CDKL2: variants seen among roughly 807,000 people sequenced by gnomAD.
CDKL2 encodes the protein cyclin dependent kinase like 2, also known as cyclin-dependent kinase-like 2.
In CDKL2, 64 loss-of-function variants were observed where a neutral mutation model predicts 63.9. That is an observed-to-expected ratio of 1.00 (90% CI 0.82 to 1.23). The LOEUF is 1.23. Ranked by LOEUF, CDKL2 falls within the 50% of genes most tolerant of loss-of-function variation. CDKL2 has a pLI of 0.00. For missense variants in CDKL2, 656 were observed against 668.0 expected (o/e 0.98, Z 0.20); for synonymous variants, 211 against 229.2 (o/e 0.92, Z 0.72).
chr4:75,599,548 C>CAAAAAAAAAAAAAAAA (rs71657365), intron 7 of CDKL2, among the ~76,000 whole-genome samples: 1 of 69,652 alleles, frequency 1.4e-5, no homozygotes, highest in Admixed American at 2.1e-4. Context: ...GCAACAAGAG[C>CAAAAAAAAAAAAAAAA]AAAAAAAAAA....
chr4:75,608,188 G>C (rs564137658), intron 3 of CDKL2, among the ~76,000 whole-genome samples: 1 of 143,166 alleles, frequency 7.0e-6, no homozygotes, highest in Non-Finnish European at 1.5e-5. Context: ...GCAATGGCGC[G>C]ATTTCGGCTC....
At chr4:75,610,795 T>G (rs961911749) in intron 3 of CDKL2, among the ~76,000 whole-genome samples, 14 of 152,304 alleles carry the variant, frequency 9.2e-5, no homozygotes, top group Non-Finnish European at 1.5e-4. Flanking sequence ...AAGTCAAGCA[T>G]CTCATCCTTA....
chr4:75,591,814 T>C lies in CDKL2; in HGVS notation c.1647+5A>G, dbSNP rs1345793857. On this transcript the variant is annotated splice_donor_5th_base_variant and intron_variant, in intron 12 of 13. Coordinates refer to ENST00000307465, the MANE Select transcript of CDKL2 (RefSeq NM_001330724.2). ...CTGTCCATCCTATAAAGAGTATTTC[T>C]GTACCTGATGTAATGTAATACTGGG... The C allele has an allele frequency of 1.3e-6, 2 of 1,518,838 alleles. No individual in the cohort carries two copies. The highest frequency in any genetic ancestry group is 1.4e-5 in the African/African-American group (1 of 72,646). The allele number at this position is 1,518,838 out of a possible 1,614,324, so 94.1% of individuals were successfully genotyped here.
intron 1 of CDKL2, among the ~76,000 whole-genome samples, chr4:75,627,950 A>G (rs1730508447): frequency 6.7e-6 from 1 of 150,274 alleles, no homozygotes; most frequent in South Asian, 2.1e-4. Context: ...AAATAAGAGT[A>G]ATGACATCGG....
Position 75,625,830 on chromosome 4 carries a change from C to T in CDKL2, c.159G>A (p.Lys53=), listed in dbSNP as rs2148916835. ...MVKKIAMREI[K]LLKQLRHENL... ...ATATGCATTTACTCACCTTTAGTAA[C>T]TTGATTTCTCGCATTGCAATCTTTT... The change falls in exon 2 of 14, where the codon AAG becomes AAA. Residue 53 remains lysine (K), a synonymous_variant. Coordinates refer to ENST00000307465, the MANE Select transcript of CDKL2 (RefSeq NM_001330724.2). 1 of 1,610,510 alleles carries T rather than the reference C, an allele frequency of 6.2e-7. No individual in the cohort carries two copies. Among genetic ancestry groups the T allele is most frequent in the East Asian group, 2.2e-5 (1 of 44,776 alleles).
At chr4:75,611,644 G>A (rs1404398032) in intron 3 of CDKL2, among the ~76,000 whole-genome samples, 1 of 151,350 alleles carries the variant, frequency 6.6e-6, no homozygotes, top group Non-Finnish European at 1.5e-5. Flanking sequence ...AAGCTTAGCA[G>A]GGAACCACCT....
chr4:75,618,231 T>C lies in CDKL2; in HGVS notation c.169-3782A>G, dbSNP rs545273908. ...GAGTAACTCAGACCAGGCCTCCAAT[T>C]GAAAATTCTTTTTTTTTTTTTTTTT... On this transcript the variant is annotated intron_variant, in intron 2 of 13. Transcript: ENST00000307465. Among the ~76,000 whole-genome samples, 11 of 142,512 alleles carry C rather than the reference T, an allele frequency of 7.7e-5. No homozygotes were observed. In the East Asian group the frequency reaches 2.0e-3, roughly 26 times the overall value. 93.5% of individuals were successfully genotyped at this position (142,512 alleles called of 152,430 possible).
At chr4:75,622,008 G>T (rs1730175789) in intron 2 of CDKL2, among the ~76,000 whole-genome samples, 1 of 152,152 alleles carries the variant, frequency 6.6e-6, no homozygotes, top group Non-Finnish European at 1.5e-5. Flanking sequence ...AGGGGAGAAA[G>T]GAGGGGGTAA....
intron 2 of CDKL2, among the ~76,000 whole-genome samples, chr4:75,618,239 C>T (rs1241950231): frequency 0.034 from 1,754 of 51,976 alleles, no homozygotes; most frequent in Middle Eastern, 0.053. Context: ...ATTGAAAATT[C>T]TTTTTTTTTT....
At chr4:75,582,027 A>G in intron 12 of CDKL2, 129 bp from the exon 13 acceptor site, 1 of 637,656 alleles carries the variant, frequency 1.6e-6, no homozygotes, top group Non-Finnish European at 2.8e-6. Context: ...AGTTGCCTAC[A>G]TGGAAAAGAA....
rs760105618 is a variant in CDKL2, at chr4:75,596,343, G to A, written c.1323-3C>T. 4 of 1,569,140 alleles carry A rather than the reference G, an allele frequency of 2.5e-6. No individual in the cohort carries two copies. Among genetic ancestry groups the A allele is most frequent in the Non-Finnish European group, 3.5e-6 (4 of 1,144,942 alleles). Reference sequence around the variant, plus strand: ...ACTTCTTAGTTTTCTCATCCACTCTGTAACGACAAAAAAAAATGTTTTTAA... The same window carrying A: ...ACTTCTTAGTTTTCTCATCCACTCTATAACGACAAAAAAAAATGTTTTTAA... On this transcript the variant is annotated splice_polypyrimidine_tract_variant and splice_region_variant and intron_variant, in intron 9 of 13. Coordinates refer to ENST00000307465, the MANE Select transcript of CDKL2 (RefSeq NM_001330724.2).
intron 2 of CDKL2, among the ~76,000 whole-genome samples, chr4:75,618,197 T>TGGCAGA (rs1730009457): frequency 1.4e-5 from 2 of 145,840 alleles, no homozygotes; most frequent in Admixed American, 1.4e-4. Flanking sequence ...TCTTTGGTAA[T>TGGCAGA]GGCAGACTGA....
chr4:75,603,062 C>A (rs1432167753), intron 6 of CDKL2, among the ~76,000 whole-genome samples: 1 of 138,266 alleles, frequency 7.2e-6, no homozygotes, highest in Non-Finnish European at 1.5e-5. Flanking sequence ...TGCAGTGGCA[C>A]AATCTCGGCT....
intron 4 of CDKL2, among the ~76,000 whole-genome samples, chr4:75,606,833 C>T (rs890538823): frequency 1.2e-4 from 19 of 152,158 alleles, no homozygotes; most frequent in Non-Finnish European, 1.3e-4. Flanking sequence ...AAACATTTTA[C>T]TTAATTATAT....
chr4:75,624,066 G>T (rs2148914622), intron 2 of CDKL2, among the ~76,000 whole-genome samples: 1 of 150,224 alleles, frequency 6.7e-6, no homozygotes, highest in Middle Eastern at 3.4e-3. Flanking sequence ...AGGAGGCAGA[G>T]GTTGCAGTGA....
At position 75,592,200 on chromosome 4, in the gene CDKL2, A is replaced by G; in HGVS notation, c.1486T>C (p.Leu496=). Residue 496 remains leucine, a synonymous_variant, in exon 11 of 14, where the codon TTG becomes CTG. Coordinates refer to ENST00000307465, the MANE Select transcript of CDKL2 (RefSeq NM_001330724.2). ...AGATGATTATAGTTTAGTTCAGGCA[A>G]ACGGACATCTGTCCTGGAGTATTCT... The part of the protein sequence containing the change: ...RREYSRTDVR[L]PELNYNHLPE... The G allele has an allele frequency of 6.5e-7, 1 of 1,535,514 alleles. No homozygotes were observed. Among genetic ancestry groups the G allele is most frequent in the Admixed American group, 2.0e-5 (1 of 50,916 alleles).
chr4:75,628,117 AT>A (rs759097598), intron 1 of CDKL2, among the ~76,000 whole-genome samples: 221 of 140,782 alleles, frequency 1.6e-3, no homozygotes, highest in Middle Eastern at 7.5e-3. Flanking sequence ...TGTGTTTGAA[AT>A]TTTTTTTTTT....
At chr4:75,611,101 T>C (rs957422572) in intron 3 of CDKL2, among the ~76,000 whole-genome samples, 2 of 151,970 alleles carry the variant, frequency 1.3e-5, no homozygotes, top group African/African-American at 4.8e-5. Flanking sequence ...GGAGTAAGGA[T>C]TGGAGAAAAG....
chr4:75,580,396 T>C (rs934064500), intron 13 of CDKL2, among the ~76,000 whole-genome samples: 2 of 152,218 alleles, frequency 1.3e-5, no homozygotes, highest in Non-Finnish European at 2.9e-5. Flanking sequence ...CCAGACATGG[T>C]GGCTCACACC....
Sources: gnomAD v4.1 joint callset for allele counts (sites outside exome capture counted in the v4.1 genomes callset) on GRCh38, gnomAD v4.1.1 for gene constraint, MANE v1.5 for transcripts, NCBI Gene and HGNC (gene_info 2026-07-23, HGNC 2026-07-21) for gene names.